SNORC: variants seen among roughly 807,000 people sequenced by gnomAD.
SNORC encodes the protein secondary ossification center associated regulator of chondrocyte maturation.
A neutral mutation model predicts 9.7 loss-of-function variants in SNORC; 11 were observed. The observed-to-expected ratio is 1.14, with a 90% CI of 0.72 to 1.88. The LOEUF (loss-of-function observed/expected upper bound fraction) is 1.88, where lower values mean the gene tolerates loss of function less well. SNORC is among the 40% of genes most tolerant of loss of function. SNORC has a pLI of 0.00. For missense variants in SNORC, 197 were observed against 173.1 expected, an observed-to-expected ratio of 1.14 and a Z score of -0.77; for synonymous variants, 108 against 88.7, an observed-to-expected ratio of 1.22 and a Z score of -1.22.
At chr2:232,871,711 G>T (rs1393256570) in intron 1 of SNORC, among the ~76,000 whole-genome samples, 1 of 152,222 alleles carries the variant, frequency 6.6e-6, no homozygotes, top group Non-Finnish European at 1.5e-5. Flanking sequence ...GGGGAAGGTG[G>T]CATCTTCCAT....
At chr2:232,870,879 T>C (rs1306763218) in intron 1 of SNORC, among the ~76,000 whole-genome samples, 1 of 152,146 alleles carries the variant, frequency 6.6e-6, no homozygotes, top group African/African-American at 2.4e-5. Flanking sequence ...TGTCCCCATC[T>C]GGGAAAAGGC....
intron 1 of SNORC, among the ~76,000 whole-genome samples, chr2:232,872,224 C>T (rs763938762): frequency 1.3e-5 from 2 of 152,076 alleles, no homozygotes; most frequent in African/African-American, 2.4e-5. Flanking sequence ...GAAGGAGCGG[C>T]CTTGTGGGCT....
At chr2:232,871,215 G>A (rs1032549217) in intron 1 of SNORC, among the ~76,000 whole-genome samples, 3 of 152,104 alleles carry the variant, frequency 2.0e-5, no homozygotes, top group Non-Finnish European at 2.9e-5. Context: ...TGAGAAAGGT[G>A]GACCGCAGTC....
intron 1 of SNORC, among the ~76,000 whole-genome samples, chr2:232,873,373 A>G (rs987701684): frequency 6.6e-6 from 1 of 152,070 alleles, no homozygotes; most frequent in African/African-American, 2.4e-5. Context: ...CGGGGGACAG[A>G]TGGGGACAGG....
At chr2:232,870,527 G>C (rs771814672) in intron 1 of SNORC, 113 bp downstream of exon 1, 563 of 1,044,990 alleles carry the variant, frequency 5.4e-4, no homozygotes, top group Middle Eastern at 8.2e-4. Flanking sequence ...ACAGGAGATG[G>C]GATGACTATT....
chr2:232,866,874 TG>T (rs938014379), upstream of SNORC, among the ~76,000 whole-genome samples: 1 of 152,176 alleles, frequency 6.6e-6, no homozygotes, highest in Admixed American at 6.5e-5. Flanking sequence ...CCCCTATGCC[TG>T]GATAATTTTT....
chr2:232,877,386 C>G, downstream of SNORC: 1 of 983,950 alleles, frequency 1.0e-6, no homozygotes, highest in Non-Finnish European at 1.2e-6. Flanking sequence ...ATCATTTAAC[C>G]TGCTCAGCAC....
chr2:232,876,872 G>A (rs1049283759), downstream of SNORC: 40 of 985,398 alleles, frequency 4.1e-5, no homozygotes, highest in Non-Finnish European at 4.6e-5. This position sits in a 1 kb window ranked among gnomAD's most constrained non-coding sequence, Gnocchi z 6.8. Flanking sequence ...CGCGCTCCCC[G>A]GGGCCTGCCT....
chr2:232,875,300 A>G (rs1691181663), intron 1 of SNORC: 2 of 169,430 alleles, frequency 1.2e-5, no homozygotes, highest in Non-Finnish European at 2.7e-5. Context: ...CCGAGATTGT[A>G]CCACTTCACT....
chr2:232,876,774 G>T (rs974197491), downstream of SNORC: 4 of 985,196 alleles, frequency 4.1e-6, no homozygotes, highest in African/African-American at 3.5e-5. The surrounding 1 kb of genome is among the most constrained non-coding windows in gnomAD (Gnocchi z 6.8). Flanking sequence ...AGCCCGTCCG[G>T]GGGCACCGTC....
At chr2:232,878,113 C>G (rs1475258301), downstream of SNORC, 1 of 152,346 alleles carries the variant, frequency 6.6e-6, no homozygotes, top group African/African-American at 2.4e-5. Flanking sequence ...CTCAGAGGGT[C>G]TGAGGTCCGA....
At chr2:232,867,864 G>T (rs952112693), upstream of SNORC, among the ~76,000 whole-genome samples, 2 of 152,230 alleles carry the variant, frequency 1.3e-5, no homozygotes, top group African/African-American at 4.8e-5. Context: ...TTCCGCCAGT[G>T]CCCAGCTATT....
chr2:232,876,658 C>A, downstream of SNORC: 1 of 1,013,478 alleles, frequency 9.9e-7, no homozygotes, highest in Non-Finnish European at 1.2e-6. This position sits in a 1 kb window ranked among gnomAD's most constrained non-coding sequence, Gnocchi z 6.8. Flanking sequence ...TCGGCGTCCC[C>A]GTGCACCACG....
downstream of SNORC, chr2:232,877,327 C>A: frequency 1.0e-6 from 1 of 985,430 alleles, no homozygotes; most frequent in Non-Finnish European, 1.2e-6. Flanking sequence ...GAGCCTGGTC[C>A]AGGGTCCCCA....
At position 232,876,250 on chromosome 2, in the gene SNORC, C is replaced by T; in HGVS notation, c.260C>T (p.Ser87Leu). The T allele has an allele frequency of 1.3e-6, 2 of 1,503,922 alleles. No homozygotes were observed. The highest frequency in any genetic ancestry group is 8.8e-7 in the Non-Finnish European group (1 of 1,132,164). 93.2% of individuals were successfully genotyped at this position (1,503,922 alleles called of 1,614,324 possible). ...CATGGTCCTCCGTCCTCCGCAGGGT[C>T]GCTGGGGCCCGGCGCTATCGCGGCC... The change falls in exon 3 of 3, where the codon TCG (serine) becomes TTG (leucine). Residue 87 changes from serine (S) to leucine (L), a missense_variant. By Grantham distance (145) the Ser-to-Leu change is moderately radical (BLOSUM62 -2). Transcript: ENST00000331342. The surrounding 1 kb of genome is among the most constrained non-coding windows in gnomAD (Gnocchi z 6.8).
chr2:232,876,859 C>T (rs1691273549), downstream of SNORC: 2 of 985,570 alleles, frequency 2.0e-6, no homozygotes, highest in East Asian at 1.1e-4. This position sits in a 1 kb window ranked among gnomAD's most constrained non-coding sequence, Gnocchi z 6.8. Context: ...CCGAGGCCCT[C>T]GCCGCGCTCC....
At chr2:232,869,262 G>A (rs1297653482), upstream of SNORC, among the ~76,000 whole-genome samples, 3 of 152,186 alleles carry the variant, frequency 2.0e-5, no homozygotes, top group African/African-American at 4.8e-5. Flanking sequence ...ACATGCAAAG[G>A]CCTGAGGCAG....
intron 1 of SNORC, among the ~76,000 whole-genome samples, chr2:232,870,841 C>T (rs1189955462): frequency 1.3e-5 from 2 of 152,226 alleles, no homozygotes; most frequent in East Asian, 1.9e-4. Context: ...GTTTCTGCGA[C>T]GTCCTTAGAG....
Position 232,876,382 on chromosome 2 carries a change from C to T in SNORC, c.*26C>T, listed in dbSNP as rs1186584063. ...AGCGAATAAAGGGGCCGCGCCCGGC[C>T]GCGGCGCGACTCGGCTGCACTCCTC... On this transcript the variant is annotated 3_prime_UTR_variant, in exon 3 of 3. Coordinates refer to ENST00000331342, the Ensembl canonical transcript of SNORC. This position sits in a 1 kb window ranked among gnomAD's most constrained non-coding sequence, Gnocchi z 6.8. The T allele has an allele frequency of 1.3e-6, 2 of 1,511,366 alleles. No individual in the cohort carries two copies. Among genetic ancestry groups the T allele is most frequent in the South Asian group, 1.2e-5 (1 of 82,114 alleles). The allele number at this position is 1,511,366 out of a possible 1,614,324, so 93.6% of individuals were successfully genotyped here.
Sources: gnomAD v4.1 joint callset for allele counts (sites outside exome capture counted in the v4.1 genomes callset) on GRCh38, gnomAD v4.1.1 for gene constraint, Gnocchi (gnomAD v3.1) non-coding constraint, MANE v1.5 for transcripts, NCBI Gene and HGNC (gene_info 2026-07-23, HGNC 2026-07-21) for gene names.